Variants in TDRD5 observed in about 807,000 individuals in gnomAD.
The protein encoded by TDRD5 is tudor domain containing 5, also known as tudor domain-containing protein 5.
Under a neutral mutation model 120.6 loss-of-function variants are expected in TDRD5, and 41 were observed. The ratio of observed to expected loss-of-function variants is 0.34; its 90% CI spans 0.26 to 0.44. The LOEUF (loss-of-function observed/expected upper bound fraction) is 0.44. Among genes scored for constraint, TDRD5 ranks in the 20% least tolerant of loss-of-function variants. The probability of loss-of-function intolerance (pLI) is 1.00; values close to 1 mark genes in which losing one functional copy is unlikely to be tolerated. For synonymous variants in TDRD5, 430 were observed against 433.7 expected (o/e 0.99, Z 0.11); for missense variants, 1,006 against 1,221.2 (o/e 0.82, Z 2.63).
At chr1:179,614,638 G>A (rs1027431904) in intron 4 of TDRD5, among the ~76,000 whole-genome samples, 1 of 151,950 alleles carries the variant, frequency 6.6e-6, no homozygotes, top group Non-Finnish European at 1.5e-5. Context: ...TTGTACCTTT[G>A]CTGGTACTCA....
Position 179,647,548 on chromosome 1 carries a change from C to T in TDRD5, c.1801-3319C>T, listed in dbSNP as rs1018367808. On this transcript the variant is annotated intron_variant, in intron 11 of 17. Coordinates refer to ENST00000444136, the MANE Select transcript of TDRD5 (RefSeq NM_001199085.3). ...TTCAGGACATAGGCATGGGCAAGGACTTCATGTCTAAAACACCAAAAGCAA... is the reference window on the plus strand; with the variant it reads ...TTCAGGACATAGGCATGGGCAAGGATTTCATGTCTAAAACACCAAAAGCAA... 1.4e-4 allele frequency among the ~76,000 whole-genome samples: 21 copies of T among 151,542 alleles called. No homozygotes were observed. The East Asian group carries it at 3.9e-3, about 28-fold the overall frequency.
intron 12 of TDRD5, among the ~76,000 whole-genome samples, chr1:179,651,327 G>A (rs1415144933): frequency 2.6e-5 from 4 of 152,078 alleles, no homozygotes; most frequent in South Asian, 2.1e-4. Context: ...GGCCAGGCAC[G>A]GTGGCTGTCA....
intron 6 of TDRD5, among the ~76,000 whole-genome samples, chr1:179,629,980 CTTT>C (rs34963950): frequency 1.4e-5 from 2 of 139,388 alleles, no homozygotes. Flanking sequence ...TTTATTCCAA[CTTT>C]TTTTTTTTTT....
intron 3 of TDRD5, 127 bp downstream of exon 3, chr1:179,593,994 CT>C: frequency 8.5e-7 from 1 of 1,179,028 alleles, no homozygotes; most frequent in Middle Eastern, 2.3e-4. Context: ...CTCAGGCGAA[CT>C]GTTCAATCTA....
At chr1:179,665,758 A>G (rs938138934) in intron 16 of TDRD5, among the ~76,000 whole-genome samples, 11 of 152,170 alleles carry the variant, frequency 7.2e-5, no homozygotes, top group African/African-American at 2.7e-4. Flanking sequence ...ACTGTATCAT[A>G]ATGAACTCCT....
intron 2 of TDRD5, 114 bp from the exon 3 acceptor site, chr1:179,593,346 C>CT: frequency 8.6e-7 from 1 of 1,162,100 alleles, no homozygotes; most frequent in Non-Finnish European, 1.2e-6. Context: ...GTTTATCGTG[C>CT]TGCCTGGATA....
Position 179,680,227 on chromosome 1 carries a change from ATT to A in TDRD5, c.2861-10465_2861-10464del, listed in dbSNP as rs1680350416. On this transcript the variant is annotated intron_variant, in intron 17 of 17. Transcript: ENST00000444136. ...ACTTTTATAGCCTACAGTATGCTCT[ATT>A]TTTGTAAATGCTTTACCTGTACTTT... Among the ~76,000 whole-genome samples the A allele has an allele frequency of 2.0e-5, 3 of 152,270 alleles. No individual in the cohort carries two copies. The South Asian group carries it at 6.2e-4, about 32-fold the overall frequency.
chr1:179,621,508 A>C (rs72706733), intron 6 of TDRD5, among the ~76,000 whole-genome samples: 7,158 of 152,168 alleles, frequency 0.047, 262 homozygotes, highest in Non-Finnish European at 0.069. Context: ...CACTCTAGAG[A>C]AACTCTTGCA....
intron 17 of TDRD5, among the ~76,000 whole-genome samples, chr1:179,683,407 C>T (rs568811914): frequency 1.5e-4 from 23 of 152,164 alleles, no homozygotes; most frequent in African/African-American, 4.6e-4. Context: ...TTTTGATATC[C>T]GAGCTCACCT....
At chr1:179,690,562 T>G (rs980428441) in intron 17 of TDRD5, 134 bp from the exon 18 acceptor site, 2 of 1,189,472 alleles carry the variant, frequency 1.7e-6, no homozygotes, top group African/African-American at 3.1e-5. Context: ...TCTTCTCTGA[T>G]TAGCCATTGG....
chr1:179,615,373 G>A (rs1676512278), intron 4 of TDRD5, among the ~76,000 whole-genome samples: 2 of 152,104 alleles, frequency 1.3e-5, no homozygotes, highest in Admixed American at 1.3e-4. Context: ...ATTTGAGGTT[G>A]AACTTTATGC....
intron 17 of TDRD5, among the ~76,000 whole-genome samples, chr1:179,685,337 T>A (rs1680644761): frequency 1.3e-5 from 2 of 152,112 alleles, no homozygotes; most frequent in South Asian, 4.2e-4. Flanking sequence ...CAGGTTTGTC[T>A]AAGATCAGAT....
intron 4 of TDRD5, among the ~76,000 whole-genome samples, chr1:179,612,449 C>T (rs1676331646): frequency 6.6e-6 from 1 of 152,144 alleles, no homozygotes; most frequent in Non-Finnish European, 1.5e-5. Flanking sequence ...ATGAATTTAG[C>T]TATATTTTCT....
intron 9 of TDRD5, among the ~76,000 whole-genome samples, chr1:179,639,179 C>T (rs1482506996): frequency 3.3e-5 from 5 of 152,188 alleles, no homozygotes; most frequent in Non-Finnish European, 5.9e-5. Context: ...TATGTGTACA[C>T]TGTCCTAAAC....
chr1:179,602,423 A>G (rs968675491), intron 4 of TDRD5, among the ~76,000 whole-genome samples: 1 of 151,508 alleles, frequency 6.6e-6, no homozygotes, highest in African/African-American at 2.4e-5. Context: ...TTTCTTACTG[A>G]TGGGTTTTTG....
chr1:179,673,057 T>C (rs1235104202), intron 17 of TDRD5, among the ~76,000 whole-genome samples: 1 of 152,176 alleles, frequency 6.6e-6, no homozygotes, highest in Non-Finnish European at 1.5e-5. Flanking sequence ...TCTTTTTGCT[T>C]AGTCTTGTTT....
Position 179,654,368 on chromosome 1 carries a change from A to C in TDRD5, c.2322+6A>C. The C allele has an allele frequency of 6.6e-7, 1 of 1,525,182 alleles. No individual in the cohort carries two copies. Among genetic ancestry groups the C allele is most frequent in the Non-Finnish European group, 8.8e-7 (1 of 1,134,536 alleles). The allele number at this position is 1,525,182 out of a possible 1,614,324, so 94.5% of individuals were successfully genotyped here. On this transcript the variant is annotated splice_donor_region_variant and intron_variant, in intron 14 of 17. Coordinates refer to ENST00000444136, the MANE Select transcript of TDRD5 (RefSeq NM_001199085.3). ...ATCTGAAGGAAGAAAATGAGGTAGGAGAAGGAAAGATAGTCTTTGAATATG... is the reference window on the plus strand; with the variant it reads ...ATCTGAAGGAAGAAAATGAGGTAGGCGAAGGAAAGATAGTCTTTGAATATG...
chr1:179,682,111 TTCTA>T (rs1296378756), intron 17 of TDRD5, among the ~76,000 whole-genome samples: 8 of 150,106 alleles, frequency 5.3e-5, no homozygotes, highest in Non-Finnish European at 1.2e-4. Context: ...AACTTTTGAA[TTCTA>T]TCTGTGTCAT....
intron 17 of TDRD5, among the ~76,000 whole-genome samples, chr1:179,679,711 TC>T (rs869186714): frequency 8.0e-6 from 1 of 125,768 alleles, no homozygotes. Context: ...GCCATCTTTT[TC>T]CCCCCATCTA....
Sources: gnomAD v4.1 joint callset for allele counts (sites outside exome capture counted in the v4.1 genomes callset) on GRCh38, gnomAD v4.1.1 for gene constraint, MANE v1.5 for transcripts, NCBI Gene and HGNC (gene_info 2026-07-23, HGNC 2026-07-21) for gene names.